CCSER1: variants seen among roughly 807,000 people sequenced by gnomAD.
CCSER1 encodes coiled-coil serine rich protein 1.
Under a neutral mutation model 82.0 loss-of-function variants are expected in CCSER1, and 41 were observed. The ratio of observed to expected loss-of-function variants is 0.50; its 90% CI spans 0.39 to 0.65. The LOEUF (loss-of-function observed/expected upper bound fraction) is 0.65. Ranked by LOEUF, CCSER1 falls within the 30% of genes least tolerant of loss-of-function variation. CCSER1 has a pLI of 0.00. For missense variants in CCSER1, 1,119 were observed against 1,064.2 expected (o/e 1.05, Z -0.72); for synonymous variants, 414 against 383.9 (o/e 1.08, Z -0.92).
At chr4:90,620,156 C>T (rs1293399453) in intron 5 of CCSER1, among the ~76,000 whole-genome samples, 3 of 152,056 alleles carry the variant, frequency 2.0e-5, no homozygotes, top group Admixed American at 6.5e-5. Flanking sequence ...TAGTGGGAGT[C>T]GTTACTATTT....
At chr4:91,445,570 A>G (rs559290323) in intron 10 of CCSER1, among the ~76,000 whole-genome samples, 1 of 151,976 alleles carries the variant, frequency 6.6e-6, no homozygotes, top group Non-Finnish European at 1.5e-5. Context: ...CCAAATACTG[A>G]TGTATTCGTT....
intron 10 of CCSER1, among the ~76,000 whole-genome samples, chr4:91,359,355 T>G (rs1451690295): frequency 6.6e-6 from 1 of 151,840 alleles, no homozygotes; most frequent in African/African-American, 2.4e-5. Context: ...TCTTTGGTTT[T>G]ACTTCCTTGT....
intron 10 of CCSER1, among the ~76,000 whole-genome samples, chr4:91,160,295 T>G (rs536920950): frequency 6.6e-6 from 1 of 152,342 alleles, no homozygotes; most frequent in South Asian, 2.1e-4. Flanking sequence ...CAGTCTGTAA[T>G]TGATGGACAT....
chr4:91,421,128 C>A (rs7436304), intron 10 of CCSER1, among the ~76,000 whole-genome samples: 1 of 152,108 alleles, frequency 6.6e-6, no homozygotes. Flanking sequence ...GGGATCACAG[C>A]TAATGTGAAT....
At chr4:91,020,554 C>T (rs1053330918) in intron 9 of CCSER1, among the ~76,000 whole-genome samples, 5 of 151,682 alleles carry the variant, frequency 3.3e-5, no homozygotes, top group Admixed American at 1.3e-4. Context: ...CCCAGTTACT[C>T]GGGAGGCTGA....
Position 91,226,510 on chromosome 4 carries a change from A to G in CCSER1, c.2217+140516A>G, listed in dbSNP as rs1252124555. ...GGCAGAATTTTATAGCGTTTAATAT[A>G]TCTTTATGGGGGCATGTGAAGTGAA... On this transcript the variant is annotated intron_variant, in intron 10 of 10. Transcript: ENST00000509176. 2.6e-5 allele frequency among the ~76,000 whole-genome samples: 4 copies of G among 151,942 alleles called. No homozygotes were observed. The East Asian group carries it at 7.7e-4, about 29-fold the overall frequency.
chr4:91,268,357 C>A (rs1741761535), intron 10 of CCSER1, among the ~76,000 whole-genome samples: 1 of 152,170 alleles, frequency 6.6e-6, no homozygotes, highest in Non-Finnish European at 1.5e-5. Flanking sequence ...TAGGTTTTCA[C>A]TTCTGAGTTT....
intron 10 of CCSER1, among the ~76,000 whole-genome samples, chr4:91,578,378 G>GA (rs1372182694): frequency 6.6e-6 from 1 of 151,694 alleles, no homozygotes; most frequent in African/African-American, 2.4e-5. Context: ...TTATATATAA[G>GA]AATACTCAGA....
At chr4:91,186,973 T>C (rs974963300) in intron 10 of CCSER1, among the ~76,000 whole-genome samples, 5 of 152,230 alleles carry the variant, frequency 3.3e-5, no homozygotes, top group African/African-American at 4.8e-5. Flanking sequence ...ATTTTGTTTA[T>C]GGCCAGTTTT....
chr4:90,860,865 G>A (rs994707129), intron 8 of CCSER1, among the ~76,000 whole-genome samples: 1 of 151,664 alleles, frequency 6.6e-6, no homozygotes, highest in African/African-American at 2.4e-5. Flanking sequence ...GAGGAGTGGG[G>A]AATGGGGAAT....
chr4:91,377,633 G>T (rs150807946), intron 10 of CCSER1, among the ~76,000 whole-genome samples: 2,988 of 152,036 alleles, frequency 0.02, 76 homozygotes, highest in African/African-American at 0.067. Context: ...GAGTTCTTTG[G>T]AGATTCTGGA....
intron 1 of CCSER1, among the ~76,000 whole-genome samples, chr4:90,285,048 G>A (rs2153462591): frequency 6.6e-6 from 1 of 151,918 alleles, no homozygotes; most frequent in East Asian, 1.9e-4. Flanking sequence ...TGTAGCTCTT[G>A]TTTCAAAGTT....
At chr4:91,009,821 A>C (rs909207511) in intron 9 of CCSER1, among the ~76,000 whole-genome samples, 4 of 152,180 alleles carry the variant, frequency 2.6e-5, no homozygotes, top group Non-Finnish European at 5.9e-5. Context: ...TTTTGATGTC[A>C]CAATTTACAT....
intron 7 of CCSER1, among the ~76,000 whole-genome samples, chr4:90,735,576 C>G (rs115981495): frequency 6.6e-6 from 1 of 151,980 alleles, no homozygotes; most frequent in East Asian, 1.9e-4. Context: ...AAAATTTATC[C>G]ATTTCTTCTA....
intron 9 of CCSER1, among the ~76,000 whole-genome samples, chr4:91,030,506 C>T (rs1427125379): frequency 6.6e-6 from 1 of 152,014 alleles, no homozygotes; most frequent in Non-Finnish European, 1.5e-5. Context: ...TGATGCCGGC[C>T]TGGAGGATGA....
chr4:90,903,371 C>G (rs571099105), intron 8 of CCSER1, among the ~76,000 whole-genome samples: 1 of 152,152 alleles, frequency 6.6e-6, no homozygotes, highest in South Asian at 2.1e-4. Flanking sequence ...GTAAGGAGTG[C>G]CTTTCACCTC....
chr4:90,546,445 G>A (rs1172941815), intron 5 of CCSER1, among the ~76,000 whole-genome samples: 1 of 152,102 alleles, frequency 6.6e-6, no homozygotes, highest in African/African-American at 2.4e-5. Flanking sequence ...GCATATCCCA[G>A]GGATCAGAGA....
intron 10 of CCSER1, among the ~76,000 whole-genome samples, chr4:91,277,503 G>A (rs1404630589): frequency 9.5e-6 from 1 of 105,660 alleles, no homozygotes; most frequent in East Asian, 2.9e-4. Context: ...ATTATTTTTT[G>A]TTATTGTGGT....
intron 10 of CCSER1, among the ~76,000 whole-genome samples, chr4:91,484,054 C>CAAAA (rs1758091556): frequency 2.1e-5 from 1 of 47,572 alleles, no homozygotes. Flanking sequence ...TGCCTATTCT[C>CAAAA]TAAAAAAAAA....
Sources: allele counts gnomAD v4.1 joint callset (sites outside exome capture counted in the v4.1 genomes callset), GRCh38; gene constraint gnomAD v4.1.1; transcripts MANE v1.5; gene names NCBI Gene and HGNC (gene_info 2026-07-23, HGNC 2026-07-21).